The following ADAMTS3 variants were observed in gnomAD, a reference collection of about 807,000 sequenced individuals.
ADAMTS3 encodes ADAM metallopeptidase with thrombospondin type 1 motif 3.
In ADAMTS3, 73 loss-of-function variants were observed where a neutral mutation model predicts 129.0. The ratio of observed to expected loss-of-function variants is 0.57; its 90% confidence interval spans 0.47 to 0.69. ADAMTS3 has a LOEUF of 0.69. ADAMTS3 is among the 30% of genes least tolerant of loss of function. The pLI is 0.00. For missense variants in ADAMTS3, 1,457 were observed against 1,514.5 expected (o/e 0.96, Z 0.63); for synonymous variants, 477 against 510.8 (o/e 0.93, Z 0.89).
intron 4 of ADAMTS3, among the ~76,000 whole-genome samples, chr4:72,398,274 C>A (rs1721778455): frequency 1.3e-5 from 2 of 151,962 alleles, no homozygotes; most frequent in Non-Finnish European, 2.9e-5. Context: ...ATAAAAGTAT[C>A]TGCCAGGCGT....
chr4:72,468,024 C>G (rs746304482), intron 3 of ADAMTS3, among the ~76,000 whole-genome samples: 4 of 152,034 alleles, frequency 2.6e-5, no homozygotes, highest in Non-Finnish European at 5.9e-5. Context: ...GTTCCAGCAG[C>G]CACACTTTCT....
At chr4:72,313,893 C>T in intron 11 of ADAMTS3, 71 bp from the exon 12 acceptor site, 1 of 1,566,722 alleles carries the variant, frequency 6.4e-7, no homozygotes, top group Non-Finnish European at 8.8e-7. Flanking sequence ...ATACAAGAAC[C>T]ATCTAGTTGA....
intron 20 of ADAMTS3, among the ~76,000 whole-genome samples, chr4:72,289,632 C>T (rs527298992): frequency 1.3e-5 from 2 of 152,224 alleles, no homozygotes; most frequent in South Asian, 4.1e-4. Context: ...AATTTAACTG[C>T]CATTGTAACA....
chr4:72,387,874 A>T (rs1165641319), intron 4 of ADAMTS3, among the ~76,000 whole-genome samples: 2 of 152,100 alleles, frequency 1.3e-5, no homozygotes, highest in Non-Finnish European at 2.9e-5. Flanking sequence ...AAAGACAAAA[A>T]AAAAACTTTC....
At chr4:72,333,733 G>T (rs78678359) in intron 5 of ADAMTS3, among the ~76,000 whole-genome samples, 10 of 151,998 alleles carry the variant, frequency 6.6e-5, no homozygotes, top group Admixed American at 2.6e-4. Flanking sequence ...TTACTAAAAC[G>T]CATGCCCTTA....
intron 3 of ADAMTS3, among the ~76,000 whole-genome samples, chr4:72,535,534 T>C (rs1721164965): frequency 6.6e-6 from 1 of 152,170 alleles, no homozygotes; most frequent in Non-Finnish European, 1.5e-5. Context: ...TCCTACATTT[T>C]AAATTGAGGT....
chr4:72,523,673 C>T (rs1166795752), intron 3 of ADAMTS3, among the ~76,000 whole-genome samples: 2 of 151,950 alleles, frequency 1.3e-5, no homozygotes, highest in Non-Finnish European at 2.9e-5. Context: ...AATTAGTGAA[C>T]TTACCAATAT....
chr4:72,493,830 T>A (rs1157142531), intron 3 of ADAMTS3, among the ~76,000 whole-genome samples: 2 of 152,116 alleles, frequency 1.3e-5, no homozygotes, highest in African/African-American at 2.4e-5. Flanking sequence ...CCCTCATTTT[T>A]AAAAATAATT....
chr4:72,289,890 T>C (rs1387024197), intron 20 of ADAMTS3, among the ~76,000 whole-genome samples: 2 of 152,180 alleles, frequency 1.3e-5, no homozygotes, highest in African/African-American at 4.8e-5. Context: ...AAACTTTTGT[T>C]CTTTATAAAT....
At chr4:72,422,758 G>C (rs7356347) in intron 3 of ADAMTS3, among the ~76,000 whole-genome samples, 477 of 152,202 alleles carry the variant, frequency 3.1e-3, no homozygotes, top group Non-Finnish European at 5.2e-3. Context: ...TAATAAACTA[G>C]GTTAGATGGT....
chr4:72,318,806 TC>T, intron 9 of ADAMTS3, 102 bp from the exon 10 acceptor site: 2 of 1,223,210 alleles, frequency 1.6e-6, no homozygotes, highest in Non-Finnish European at 2.2e-6. Context: ...TAGAATTTCA[TC>T]CCAGATCATA....
intron 3 of ADAMTS3, among the ~76,000 whole-genome samples, chr4:72,439,051 T>C (rs997284747): frequency 3.3e-5 from 5 of 151,754 alleles, no homozygotes; most frequent in African/African-American, 1.2e-4. Context: ...CAGTAGCATA[T>C]ACCCAAGCAT....
intron 3 of ADAMTS3, among the ~76,000 whole-genome samples, chr4:72,415,503 T>G (rs1722281579): frequency 6.6e-6 from 1 of 152,028 alleles, no homozygotes; most frequent in Non-Finnish European, 1.5e-5. Context: ...ATTAAGCTTC[T>G]GTGGAAATCC....
intron 3 of ADAMTS3, among the ~76,000 whole-genome samples, chr4:72,421,509 G>T (rs1342450030): frequency 6.6e-6 from 1 of 152,172 alleles, no homozygotes; most frequent in African/African-American, 2.4e-5. Context: ...AAGCTGAAAA[G>T]GAATGATGAG....
At chr4:72,369,193 GA>G (rs1347467960) in intron 4 of ADAMTS3, among the ~76,000 whole-genome samples, 1 of 152,144 alleles carries the variant, frequency 6.6e-6, no homozygotes, top group Non-Finnish European at 1.5e-5. Context: ...AAAACCTTAT[GA>G]AAAGCAATAT....
chr4:72,519,515 T>C (rs1005807112), intron 3 of ADAMTS3, among the ~76,000 whole-genome samples: 6 of 152,214 alleles, frequency 3.9e-5, no homozygotes, highest in Non-Finnish European at 8.8e-5. Context: ...AGTCCCATAT[T>C]TCTTGGAGGC....
chr4:72,432,471 C>T (rs963049879), intron 3 of ADAMTS3, among the ~76,000 whole-genome samples: 12 of 151,916 alleles, frequency 7.9e-5, no homozygotes, highest in Non-Finnish European at 1.3e-4. Flanking sequence ...CTGGGTGACT[C>T]GCCATTCCAT....
At chr4:72,389,221 G>A (rs932971707) in intron 4 of ADAMTS3, among the ~76,000 whole-genome samples, 11 of 152,070 alleles carry the variant, frequency 7.2e-5, no homozygotes, top group African/African-American at 2.7e-4. Flanking sequence ...CCTCAGGACT[G>A]TTATGTTAAT....
chr4:72,511,981 G>C lies in ADAMTS3; in HGVS notation c.504+36497C>G, dbSNP rs1720328281. On this transcript the variant is annotated intron_variant, in intron 3 of 21. Transcript: ENST00000286657. ...TTGCAACAACATGGATGCAACTGGA[G>C]ATCATTATGTTAAGTGAAATAAGCC... Among the ~76,000 whole-genome samples the C allele has an allele frequency of 2.0e-5, 3 of 152,128 alleles. No individual in the cohort carries two copies. The South Asian group carries it at 6.2e-4, about 32-fold the overall frequency.
Sources: gnomAD v4.1 joint callset for allele counts (sites outside exome capture counted in the v4.1 genomes callset) on GRCh38, gnomAD v4.1.1 for gene constraint, MANE v1.5 for transcripts, NCBI Gene and HGNC (gene_info 2026-07-23, HGNC 2026-07-21) for gene names.